Variants in HMX3 observed in about 807,000 individuals in gnomAD.
HMX3 encodes homeobox protein HMX3.
Under a neutral mutation model 22.8 loss-of-function variants are expected in HMX3, and 8 were observed. That is an observed-to-expected ratio of 0.35 (90% CI 0.21 to 0.63). The LOEUF is 0.63. Ranked by LOEUF, HMX3 falls within the 30% of genes least tolerant of loss-of-function variation. The pLI, the probability that HMX3 is intolerant of heterozygous loss-of-function variation, is 0.72. For synonymous variants in HMX3, 331 were observed against 250.9 expected (o/e 1.32, Z -3.02); for missense variants, 527 against 520.6 (o/e 1.01, Z -0.12).
chr10:123,136,232 C>A lies in HMX3; in HGVS notation c.182C>A (p.Ala61Asp). The A allele has an allele frequency of 7.5e-7, 1 of 1,336,162 alleles. No individual in the cohort carries two copies. Among genetic ancestry groups the A allele is most frequent in the Non-Finnish European group, 9.5e-7 (1 of 1,047,396 alleles). The allele number at this position is 1,336,162 out of a possible 1,614,324, so 82.8% of individuals were successfully genotyped here. The part of the protein sequence containing the change: ...PPRTLFAPAS[A>D]AAAAAAAAAA... ...CGGACGCTCTTCGCGCCAGCCTCGG[C>A]TGCCGCCGCCGCCGCCGCTGCCGCT... is the stretch of plus-strand genomic sequence containing the variant. The change falls in exon 1 of 2, where the codon GCT becomes GAT. Residue 61 changes from alanine to aspartate, a missense_variant. Ala to Asp is a moderately radical substitution (Grantham distance 126). Transcript: ENST00000357878. This position sits in a 1 kb window ranked among gnomAD's most constrained non-coding sequence, Gnocchi z 4.8.
Position 123,137,493 on chromosome 10 carries a change from G to T in HMX3, c.836G>T (p.Arg279Leu). The part of the protein sequence containing the change: ...TQVKIWFQNR[R>L]NKWKRQLAAE... Reference sequence around the variant, plus strand: ...GTCAAGATCTGGTTCCAGAACCGCCGCAACAAGTGGAAGCGGCAGCTGGCG... The same window carrying T: ...GTCAAGATCTGGTTCCAGAACCGCCTCAACAAGTGGAAGCGGCAGCTGGCG... Residue 279 changes from arginine to leucine, a missense_variant, in exon 2 of 2, where the codon CGC becomes CTC. Around this residue, in one of 3 missense-constraint regions of HMX3, gnomAD observed 41 missense variants for 80.6 expected, o/e 0.51. Coordinates refer to ENST00000357878, the MANE Select transcript of HMX3 (RefSeq NM_001105574.2). The surrounding 1 kb of genome is among the most constrained non-coding windows in gnomAD (Gnocchi z 5.8). 3 of 1,613,296 alleles carry T rather than the reference G, an allele frequency of 1.9e-6. No homozygotes were observed. Among genetic ancestry groups the T allele is most frequent in the Non-Finnish European group, 2.5e-6 (3 of 1,179,882 alleles).
rs1318732616 is a variant in HMX3 at position 123,137,118 on chromosome 10, C to T, written c.461C>T (p.Pro154Leu). 1.9e-6 allele frequency: 3 copies of T among 1,610,340 alleles called. No homozygotes were observed. The highest frequency in any genetic ancestry group is 1.1e-5 in the South Asian group (1 of 90,484). Residue 154 changes from proline (P) to leucine (L), a missense_variant, in exon 2 of 2, where the codon CCG becomes CTG. This residue lies in a region of HMX3 where 386 missense variants were observed against 337.8 expected (regional missense o/e 1.14). Transcript: ENST00000357878. This position sits in a 1 kb window ranked among gnomAD's most constrained non-coding sequence, Gnocchi z 5.8. ...GCCTCCGGCACAGACCGCGACTCTC[C>T]GGAGCCACTGCTCAAGGCCGACCCC... ...SPASGTDRDS[P>L]EPLLKADPDH...
Position 123,136,986 on chromosome 10 carries a change from C to T in HMX3, c.401-72C>T. The T allele has an allele frequency of 1.4e-6, 2 of 1,466,654 alleles. No individual in the cohort carries two copies. The highest frequency in any genetic ancestry group is 5.2e-5 in the Admixed American group (2 of 38,710). The allele number at this position is 1,466,654 out of a possible 1,614,324, so 90.9% of individuals were successfully genotyped here. Reference sequence around the variant, plus strand: ...GGCCGGCGCGGGTTGAGCCTGCCGTCCCCAGGCGCCGGGCCTCGCTCAAGG... The same window carrying T: ...GGCCGGCGCGGGTTGAGCCTGCCGTTCCCAGGCGCCGGGCCTCGCTCAAGG... On this transcript the variant is annotated intron_variant, in intron 1 of 1. Coordinates refer to ENST00000357878, the MANE Select transcript of HMX3 (RefSeq NM_001105574.2). This position sits in a 1 kb window ranked among gnomAD's most constrained non-coding sequence, Gnocchi z 4.8.
rs1308343725 is a variant in HMX3, at chr10:123,138,375, C to T, written c.*644C>T. Among the ~76,000 whole-genome samples the T allele has an allele frequency of 6.6e-6, 1 of 152,166 alleles. No individual in the cohort carries two copies. The highest frequency in any genetic ancestry group is 1.9e-4 in the East Asian group (1 of 5,202). The stretch of plus-strand genomic sequence containing the variant: ...ATGTTGGCCAGGCTGGTCTTGAGCT[C>T]CTGACCTCGTGATCCGCCCGCCTCG... On this transcript the variant is annotated 3_prime_UTR_variant, in exon 2 of 2. Transcript: ENST00000357878.
In HMX3 at chr10:123,136,122, C is replaced by A. The variant is rs1391222887; in HGVS notation, c.72C>A (p.Pro24=). ...AQPQPPPPPP[P]APKESPFSIK... is the part of the protein sequence containing the mutation. ...CCCAACCGCCGCCGCCCCCCCCACC[C>A]GCTCCCAAGGAGTCCCCGTTCTCCA... The change falls in exon 1 of 2, where the codon CCC becomes CCA. Residue 24 remains proline (P), a synonymous_variant. Coordinates refer to ENST00000357878, the MANE Select transcript of HMX3 (RefSeq NM_001105574.2). The surrounding 1 kb of genome is among the most constrained non-coding windows in gnomAD (Gnocchi z 4.8). 2.2e-6 allele frequency: 3 copies of A among 1,374,380 alleles called. No individual in the cohort carries two copies. Among genetic ancestry groups the A allele is most frequent in the East Asian group, 6.1e-5 (2 of 32,934 alleles). 85.1% of individuals were successfully genotyped at this position (1,374,380 alleles called of 1,614,324 possible).
In HMX3 at chr10:123,137,534, G is replaced by T. The variant is rs754588399; in HGVS notation, c.877G>T (p.Ala293Ser). ...KRQLAAELEA[A>S]NLSHAAAQRI... ...GCAGCTGGCGGCGGAGCTGGAGGCG[G>T]CCAACCTGAGCCATGCCGCGGCGCA... Residue 293 changes from alanine (A) to serine (S), a missense_variant, in exon 2 of 2, where the codon GCC becomes TCC. Transcript: ENST00000357878. This position sits in a 1 kb window ranked among gnomAD's most constrained non-coding sequence, Gnocchi z 5.8. 3.1e-5 allele frequency: 50 copies of T among 1,611,268 alleles called. No homozygotes were observed. The highest frequency in any genetic ancestry group is 4.2e-5 in the Non-Finnish European group (50 of 1,179,610).
chr10:123,136,182 GC>G lies in HMX3; in HGVS notation c.137del (p.Pro46LeufsTer77). 1 of 1,256,558 alleles carries G rather than the reference GC, an allele frequency of 8.0e-7. No individual in the cohort carries two copies. Among genetic ancestry groups the G allele is most frequent in the Non-Finnish European group, 1.0e-6 (1 of 983,788 alleles). 77.8% of individuals were successfully genotyped at this position (1,256,558 alleles called of 1,614,324 possible). On this transcript the variant is annotated frameshift_variant, in exon 1 of 2. Transcript: ENST00000357878. LOFTEE classifies it high-confidence loss of function. This position sits in a 1 kb window ranked among gnomAD's most constrained non-coding sequence, Gnocchi z 4.8. ...TGCTCAACGGAGACCACCACCGGCC[GC>G]CCCCTAAGCCTCAGCCGCCCCCACG... The part of the protein sequence containing the change: ...NLLNGDHHRP[P>X]PKPQPPPRTL...
Position 123,137,840 on chromosome 10 carries a change from G to A in HMX3, c.*109G>A. The A allele has an allele frequency of 1.3e-6, 1 of 745,480 alleles. No individual in the cohort carries two copies. The highest frequency in any genetic ancestry group is 3.7e-5 in the Admixed American group (1 of 27,146). 46.2% of individuals were successfully genotyped at this position (745,480 alleles called of 1,614,324 possible). On this transcript the variant is annotated 3_prime_UTR_variant, in exon 2 of 2. Transcript: ENST00000357878. This position sits in a 1 kb window ranked among gnomAD's most constrained non-coding sequence, Gnocchi z 5.8. Reference sequence around the variant, plus strand: ...AGTCCAGCGGCCTTCAGGAACTGGGGCTTGGGCGCGCAGCCTCTGCTTCCC... The same window carrying A: ...AGTCCAGCGGCCTTCAGGAACTGGGACTTGGGCGCGCAGCCTCTGCTTCCC...
In HMX3 at chr10:123,136,302, G is replaced by T; in HGVS notation, c.252G>T (p.Ala84=). 7.8e-6 allele frequency: 12 copies of T among 1,539,846 alleles called. No individual in the cohort carries two copies. The highest frequency in any genetic ancestry group is 1.0e-5 in the Non-Finnish European group (12 of 1,144,030). ...CCCTGGAGGGCGCCGCGGGCTTCGC[G>T]CTCTCGCAGGTGGGCGACCTGGCTT... is the stretch of plus-strand genomic sequence containing the variant. The part of the protein sequence containing the change: ...KGALEGAAGF[A]LSQVGDLAFP... Residue 84 remains alanine (A), a synonymous_variant, in exon 1 of 2, where the codon GCG becomes GCT. Transcript: ENST00000357878. This position sits in a 1 kb window ranked among gnomAD's most constrained non-coding sequence, Gnocchi z 4.8.
rs756678635 is a variant in HMX3 at position 123,136,478 on chromosome 10, G to A, written c.400+28G>A. ...ACCGACCTCTCTTTGAACTTTCGTT[G>A]TCCCCCTGCGCGCCCGCCCCGTCCC... On this transcript the variant is annotated intron_variant, in intron 1 of 1. Transcript: ENST00000357878. This position sits in a 1 kb window ranked among gnomAD's most constrained non-coding sequence, Gnocchi z 4.8. The A allele has an allele frequency of 7.5e-7, 1 of 1,336,166 alleles. No homozygotes were observed. The highest frequency in any genetic ancestry group is 2.1e-5 in the South Asian group (1 of 47,742). 82.8% of individuals were successfully genotyped at this position (1,336,166 alleles called of 1,614,324 possible).
In HMX3 at chr10:123,136,051, A is replaced by ATGCCGGAACCCGGGCCGGACGC; in HGVS notation, c.8_29dup (p.Ala12_?10). ...CCGGGGACCCGGAGGAGAGGGGACC[A>ATGCCGGAACCCGGGCCGGACGC]TGCCGGAACCCGGGCCGGACGCTGC... is the stretch of plus-strand genomic sequence containing the variant. On this transcript the variant is annotated frameshift_variant and start_lost, in exon 1 of 2. Coordinates refer to ENST00000357878, the MANE Select transcript of HMX3 (RefSeq NM_001105574.2). LOFTEE classifies it high-confidence loss of function. This position sits in a 1 kb window ranked among gnomAD's most constrained non-coding sequence, Gnocchi z 4.8. 1 of 1,383,020 alleles carries ATGCCGGAACCCGGGCCGGACGC rather than the reference A, an allele frequency of 7.2e-7. No homozygotes were observed. Among genetic ancestry groups the ATGCCGGAACCCGGGCCGGACGC allele is most frequent in the Non-Finnish European group, 9.4e-7 (1 of 1,067,284 alleles). The allele number at this position is 1,383,020 out of a possible 1,614,324, so 85.7% of individuals were successfully genotyped here.
chr10:123,137,269 G>A lies in HMX3; in HGVS notation c.612G>A (p.Ala204=). The part of the protein sequence containing the change: ...GAAGASVGAA[A]ATPGAEDWKK... ...CCGGGGCGAGCGTAGGGGCGGCGGCGGCCACTCCGGGCGCAGAAGACTGGA... is the reference window on the plus strand; with the variant it reads ...CCGGGGCGAGCGTAGGGGCGGCGGCAGCCACTCCGGGCGCAGAAGACTGGA... Residue 204 remains alanine (A), a synonymous_variant, in exon 2 of 2, where the codon GCG becomes GCA. Transcript: ENST00000357878. This position sits in a 1 kb window ranked among gnomAD's most constrained non-coding sequence, Gnocchi z 5.8. The A allele has an allele frequency of 6.3e-7, 1 of 1,592,032 alleles. No homozygotes were observed. The highest frequency in any genetic ancestry group is 2.3e-5 in the East Asian group (1 of 43,708).
At position 123,137,821 on chromosome 10, in the gene HMX3, G is replaced by A; in HGVS notation, c.*90G>A. 3.0e-6 allele frequency: 3 copies of A among 1,006,308 alleles called. No individual in the cohort carries two copies. The South Asian group carries it at 6.1e-5, about 21-fold the overall frequency. The allele number at this position is 1,006,308 out of a possible 1,614,324, so 62.3% of individuals were successfully genotyped here. On this transcript the variant is annotated 3_prime_UTR_variant, in exon 2 of 2. Coordinates refer to ENST00000357878, the MANE Select transcript of HMX3 (RefSeq NM_001105574.2). This position sits in a 1 kb window ranked among gnomAD's most constrained non-coding sequence, Gnocchi z 5.8. ...CGGGCCGAGGGCGCCGAGAAGTCCAGCGGCCTTCAGGAACTGGGGCTTGGG... is the reference window on the plus strand; with the variant it reads ...CGGGCCGAGGGCGCCGAGAAGTCCAACGGCCTTCAGGAACTGGGGCTTGGG...
chr10:123,137,179 G>T lies in HMX3; in HGVS notation c.522G>T (p.Glu174Asp). The change falls in exon 2 of 2, where the codon GAG becomes GAT. Residue 174 changes from glutamate to aspartate, a missense_variant. Glu to Asp is a conservative substitution (Grantham distance 45). Coordinates refer to ENST00000357878, the MANE Select transcript of HMX3 (RefSeq NM_001105574.2). This position sits in a 1 kb window ranked among gnomAD's most constrained non-coding sequence, Gnocchi z 5.8. ...HKELDSKSPD[E>D]IILEESDSEE... is the part of the protein sequence containing the mutation. ...AGCTGGACTCCAAGAGCCCGGACGA[G>T]ATCATTCTGGAGGAGAGCGACTCCG... The T allele has an allele frequency of 6.2e-7, 1 of 1,603,090 alleles. No individual in the cohort carries two copies. Among genetic ancestry groups the T allele is most frequent in the African/African-American group, 1.3e-5 (1 of 74,836 alleles).
rs557709659 is a variant in HMX3 at position 123,138,274 on chromosome 10, C to T, written c.*543C>T. Among the ~76,000 whole-genome samples the T allele has an allele frequency of 6.6e-6, 1 of 151,876 alleles. No individual in the cohort carries two copies. The highest frequency in any genetic ancestry group is 1.9e-4 in the East Asian group (1 of 5,156). On this transcript the variant is annotated 3_prime_UTR_variant, in exon 2 of 2. Transcript: ENST00000357878. ...AAGTGATTCTCCTGTCTCAGCCTCC[C>T]GAGTAGCTGGGATTGCAGGTGTGTG...
chr10:123,137,795 C>A lies in HMX3; in HGVS notation c.*64C>A. ...TGTCCGGACCCCGGAGGAGACTGGGCCGGGCCGAGGGCGCCGAGAAGTCCA... is the reference window on the plus strand; with the variant it reads ...TGTCCGGACCCCGGAGGAGACTGGGACGGGCCGAGGGCGCCGAGAAGTCCA... On this transcript the variant is annotated 3_prime_UTR_variant, in exon 2 of 2. Transcript: ENST00000357878. The surrounding 1 kb of genome is among the most constrained non-coding windows in gnomAD (Gnocchi z 5.8). 3.2e-6 allele frequency: 4 copies of A among 1,265,502 alleles called. No individual in the cohort carries two copies. The highest frequency in any genetic ancestry group is 1.7e-5 in the South Asian group (1 of 58,036). The allele number at this position is 1,265,502 out of a possible 1,614,324, so 78.4% of individuals were successfully genotyped here.
chr10:123,137,062 G>A lies in HMX3; in HGVS notation c.405G>A (p.Ser135=), dbSNP rs913058096. 1 of 1,604,374 alleles carries A rather than the reference G, an allele frequency of 6.2e-7. No homozygotes were observed. Among genetic ancestry groups the A allele is most frequent in the African/African-American group, 1.3e-5 (1 of 74,626 alleles). Residue 135 remains serine (S), a synonymous_variant, in exon 2 of 2, where the codon TCG becomes TCA. Coordinates refer to ENST00000357878, the MANE Select transcript of HMX3 (RefSeq NM_001105574.2). The surrounding 1 kb of genome is among the most constrained non-coding windows in gnomAD (Gnocchi z 5.8). ...AGGHLPRPEA[S]EKALLRDSSP... The stretch of plus-strand genomic sequence containing the variant: ...TCCGTCTGTCTGTCTCCCCAGCCTC[G>A]GAGAAGGCCTTGCTGAGAGACTCCT...
In HMX3 at chr10:123,135,978, G is replaced by A; in HGVS notation, c.-73G>A. The A allele has an allele frequency of 7.8e-7, 1 of 1,284,934 alleles. No homozygotes were observed. The highest frequency in any genetic ancestry group is 9.9e-7 in the Non-Finnish European group (1 of 1,009,908). 79.6% of individuals were successfully genotyped at this position (1,284,934 alleles called of 1,614,324 possible). A position where few individuals can be genotyped will look rare whatever the true frequency, so the allele number is the denominator to read the frequency against. Reference sequence around the variant, plus strand: ...AGTTCCGTTTATGGTCTGATTTCCGGCCTCTCGCCTGCTCGCCCCGCCGCC... The same window carrying A: ...AGTTCCGTTTATGGTCTGATTTCCGACCTCTCGCCTGCTCGCCCCGCCGCC... On this transcript the variant is annotated 5_prime_UTR_variant, in exon 1 of 2. Coordinates refer to ENST00000357878, the MANE Select transcript of HMX3 (RefSeq NM_001105574.2).
Position 123,136,385 on chromosome 10 carries a change from G to T in HMX3, c.335G>T (p.Arg112Leu), listed in dbSNP as rs769037035. ...RFALPAHYLERSPAWWYPYTL... is the reference protein window; with the variant it reads ...RFALPAHYLELSPAWWYPYTL... ...GCCCTGCCCGCGCACTACCTGGAGC[G>T]CTCCCCAGCCTGGTGGTACCCCTAC... Residue 112 changes from arginine (R) to leucine (L), a missense_variant, in exon 1 of 2, where the codon CGC becomes CTC. Transcript: ENST00000357878. This position sits in a 1 kb window ranked among gnomAD's most constrained non-coding sequence, Gnocchi z 4.8. The T allele has an allele frequency of 1.3e-6, 2 of 1,559,090 alleles. No individual in the cohort carries two copies. The highest frequency in any genetic ancestry group is 1.2e-5 in the South Asian group (1 of 85,252).
Sources: allele counts gnomAD v4.1 joint callset (sites outside exome capture counted in the v4.1 genomes callset), GRCh38; gene constraint gnomAD v4.1.1; regional missense constraint gnomAD v4.1.1; non-coding constraint Gnocchi (gnomAD v3.1); transcripts MANE v1.5; gene names NCBI Gene and HGNC (gene_info 2026-07-23, HGNC 2026-07-21).